PLEKHG4B: variants seen among roughly 807,000 people sequenced by gnomAD.
PLEKHG4B encodes pleckstrin homology domain-containing family G member 4B.
A neutral mutation model predicts 121.3 loss-of-function variants in PLEKHG4B; 111 were observed. That is an observed-to-expected ratio of 0.92 (90% CI 0.78 to 1.07). PLEKHG4B has a LOEUF of 1.07. Ranked by LOEUF, PLEKHG4B falls within the 50% of genes least tolerant of loss-of-function variation. The pLI is 0.00. For missense variants in PLEKHG4B, 1,831 were observed against 1,757.8 expected, an observed-to-expected ratio of 1.04 and a Z score of -0.74; for synonymous variants, 738 against 725.0, an observed-to-expected ratio of 1.02 and a Z score of -0.29.
intron 1 of PLEKHG4B, among the ~76,000 whole-genome samples, chr5:93,906 A>C (rs1317319978): frequency 6.6e-6 from 1 of 152,172 alleles, no homozygotes; most frequent in Non-Finnish European, 1.5e-5. Flanking sequence ...AGATCCCCAG[A>C]TCTCAGAGAT....
intron 1 of PLEKHG4B, among the ~76,000 whole-genome samples, chr5:100,237 T>G (rs1579231251): frequency 6.6e-6 from 1 of 152,182 alleles, no homozygotes; most frequent in African/African-American, 2.4e-5. Context: ...ATGACCTCTT[T>G]GAGAAACAAG....
chr5:148,344 C>CAAA (rs71590513), intron 6 of PLEKHG4B, among the ~76,000 whole-genome samples: 39 of 94,242 alleles, frequency 4.1e-4, no homozygotes, highest in African/African-American at 1.1e-3. Context: ...AACAGTTCCA[C>CAAA]AAAAAAAAAA....
At chr5:142,915 G>A in intron 3 of PLEKHG4B, 132 bp from the exon 4 acceptor site, 2 of 865,652 alleles carry the variant, frequency 2.3e-6, no homozygotes, top group Admixed American at 2.0e-5. Flanking sequence ...TGTGAACTGG[G>A]ACAAGTTTTC....
intron 3 of PLEKHG4B, among the ~76,000 whole-genome samples, chr5:141,545 C>G (rs995933847): frequency 6.6e-6 from 1 of 151,326 alleles, no homozygotes; most frequent in Non-Finnish European, 1.5e-5. Context: ...TTCGGGGCCC[C>G]TCTAAACCCA....
At chr5:122,385 A>G (rs1193103549) in intron 2 of PLEKHG4B, among the ~76,000 whole-genome samples, 1 of 151,660 alleles carries the variant, frequency 6.6e-6, no homozygotes, top group African/African-American at 2.4e-5. Flanking sequence ...CGTTCGTTGT[A>G]TAAAATGCCC....
intron 6 of PLEKHG4B, among the ~76,000 whole-genome samples, chr5:148,175 A>C (rs1035367061): frequency 1.3e-5 from 2 of 152,114 alleles, no homozygotes; most frequent in Non-Finnish European, 2.9e-5. Context: ...GAACAAGGCA[A>C]TAATGCCCAC....
chr5:117,223 A>G (rs1734331683), intron 2 of PLEKHG4B, among the ~76,000 whole-genome samples: 1 of 152,260 alleles, frequency 6.6e-6, no homozygotes, highest in South Asian at 2.1e-4. Context: ...AATGATAAAA[A>G]TAAAATTTGT....
chr5:107,152 C>T (rs1055081157), intron 1 of PLEKHG4B, among the ~76,000 whole-genome samples: 3 of 152,230 alleles, frequency 2.0e-5, no homozygotes, highest in Admixed American at 1.3e-4. Context: ...TAAAGCTGCT[C>T]CAGGTCCTGC....
At chr5:105,516 C>G (rs1247574367) in intron 1 of PLEKHG4B, among the ~76,000 whole-genome samples, 1 of 152,230 alleles carries the variant, frequency 6.6e-6, no homozygotes, top group Admixed American at 6.5e-5. Flanking sequence ...TTAGTTATTT[C>G]TCTTTGGAAA....
intron 2 of PLEKHG4B, among the ~76,000 whole-genome samples, chr5:124,227 A>C (rs1327765260): frequency 4.6e-5 from 7 of 152,050 alleles, no homozygotes; most frequent in Non-Finnish European, 1.0e-4. Flanking sequence ...CTATCTTTTT[A>C]AGTTTACCGA....
intron 2 of PLEKHG4B, among the ~76,000 whole-genome samples, chr5:115,201 A>G (rs1439159256): frequency 6.6e-6 from 1 of 152,238 alleles, no homozygotes; most frequent in Non-Finnish European, 1.5e-5. Context: ...GTACATCTTC[A>G]TCAGAGCTCT....
intron 17 of PLEKHG4B, among the ~76,000 whole-genome samples, chr5:173,703 C>T (rs565546817): frequency 9.2e-5 from 14 of 152,198 alleles, no homozygotes; most frequent in East Asian, 3.9e-4. Flanking sequence ...CTCACACACA[C>T]GGACAGCTAT....
Position 183,798 on chromosome 5 carries a change from G to A in PLEKHG4B, c.*1475G>A, listed in dbSNP as rs1453312036. On this transcript the variant is annotated 3_prime_UTR_variant, in exon 20 of 20. Coordinates refer to ENST00000637938, the MANE Select transcript of PLEKHG4B (RefSeq NM_052909.5). ...TCAGAAGACCCAGACCGACCTTACA[G>A]GGATGAGAAACTACAATATTGACAG... 6.6e-6 allele frequency: 1 copy of A among 152,180 alleles called. No homozygotes were observed. The highest frequency in any genetic ancestry group is 2.4e-5 in the African/African-American group (1 of 41,442). The allele number at this position is 152,180 out of a possible 1,614,324, so 9.4% of individuals were successfully genotyped here. A position where few individuals can be genotyped will look rare whatever the true frequency, so the allele number is the denominator to read the frequency against.
chr5:97,404 G>A (rs1223182048), intron 1 of PLEKHG4B, among the ~76,000 whole-genome samples: 3 of 151,516 alleles, frequency 2.0e-5, no homozygotes, highest in African/African-American at 7.3e-5. Flanking sequence ...GCTCCAGATC[G>A]TTTTCCTCAT....
At chr5:100,446 A>G (rs1317389080) in intron 1 of PLEKHG4B, among the ~76,000 whole-genome samples, 13 of 121,218 alleles carry the variant, frequency 1.1e-4, no homozygotes. Flanking sequence ...AAGCCCTGGA[A>G]AAAGCCTGTA....
intron 1 of PLEKHG4B, among the ~76,000 whole-genome samples, chr5:95,732 A>G (rs1014694007): frequency 5.9e-5 from 9 of 152,114 alleles, no homozygotes; most frequent in Non-Finnish European, 1.3e-4. Context: ...CCTCCCCTCC[A>G]GTGTCTAGTG....
intron 18 of PLEKHG4B, among the ~76,000 whole-genome samples, chr5:174,696 GT>G (rs1010682649): frequency 1.4e-4 from 22 of 152,218 alleles, no homozygotes; most frequent in African/African-American, 5.1e-4. Context: ...AGTTATAGCA[GT>G]TTGGTTGGCT....
In PLEKHG4B at chr5:188,589, C is replaced by T. The variant is rs1354325118; in HGVS notation, c.*6266C>T. On this transcript the variant is annotated 3_prime_UTR_variant, in exon 20 of 20. Coordinates refer to ENST00000637938, the MANE Select transcript of PLEKHG4B (RefSeq NM_052909.5). The stretch of plus-strand genomic sequence containing the variant: ...TTTTGTGTCACACATGTAGCTGCTA[C>T]GAGACAGACGCTCTTGTTCCGGATC... 4 of 152,294 alleles carry T rather than the reference C, an allele frequency of 2.6e-5. No individual in the cohort carries two copies. Among genetic ancestry groups the T allele is most frequent in the East Asian group, 3.8e-4 (2 of 5,202 alleles). The allele number at this position is 152,294 out of a possible 1,614,324, so 9.4% of individuals were successfully genotyped here.
rs781516915 is a variant in PLEKHG4B at position 143,343 on chromosome 5, G to A, written c.1688-37G>A. On this transcript the variant is annotated intron_variant, in intron 4 of 19. Transcript: ENST00000637938. ...ACCCAGCTCACCACCTTGTAGGAGT[G>A]AAGCCCTTGGCAGCTGCCCTGTCTC... The A allele has an allele frequency of 2.5e-6, 4 of 1,608,340 alleles. No homozygotes were observed. The Admixed American group carries it at 5.0e-5, about 20-fold the overall frequency.
Sources: allele counts gnomAD v4.1 joint callset (sites outside exome capture counted in the v4.1 genomes callset), GRCh38; gene constraint gnomAD v4.1.1; transcripts MANE v1.5; gene names NCBI Gene and HGNC (gene_info 2026-07-23, HGNC 2026-07-21).